FAM221A: variants seen among roughly 807,000 people sequenced by gnomAD.
FAM221A encodes the protein protein FAM221A.
A neutral mutation model predicts 37.6 loss-of-function variants in FAM221A; 43 were observed. The ratio of observed to expected loss-of-function variants is 1.15; its 90% confidence interval spans 0.90 to 1.48. The LOEUF (loss-of-function observed/expected upper bound fraction) is 1.48. Ranked by LOEUF, FAM221A falls within the 40% of genes most tolerant of loss-of-function variation. The pLI is 0.00. For synonymous variants in FAM221A, 135 were observed against 132.9 expected, an observed-to-expected ratio of 1.02 and a Z score of -0.11; for missense variants, 361 against 361.5, an observed-to-expected ratio of 1.00 and a Z score of 0.01.
Position 23,691,587 on chromosome 7 carries a change from A to G in FAM221A, c.628A>G (p.Ser210Gly), listed in dbSNP as rs765792392. 6 of 1,614,010 alleles carry G rather than the reference A, an allele frequency of 3.7e-6. No individual in the cohort carries two copies. Among genetic ancestry groups the G allele is most frequent in the Non-Finnish European group, 4.2e-6 (5 of 1,179,904 alleles). The change falls in exon 4 of 7, where the codon AGT becomes GGT. Residue 210 changes from serine (S) to glycine (G), a missense_variant. Ser to Gly is a moderately conservative substitution (Grantham distance 56). Transcript: ENST00000344962. ...GGAAGGCTACATGCGGTTAGATGAC[A>G]GTGGGATTGGTAAGTGATACTATAT... The part of the protein sequence containing the change: ...LAEGYMRLDD[S>G]GIGVPSVEFL...
rs775545265 is a variant in FAM221A, at chr7:23,691,606, A to G, written c.637+10A>G. On this transcript the variant is annotated intron_variant, in intron 4 of 6. Transcript: ENST00000344962. ...GATGACAGTGGGATTGGTAAGTGATACTATATGAAATGTGAGCCCATTGTA... is the reference window on the plus strand; with the variant it reads ...GATGACAGTGGGATTGGTAAGTGATGCTATATGAAATGTGAGCCCATTGTA... The G allele has an allele frequency of 4.0e-5, 64 of 1,611,108 alleles. No individual in the cohort carries two copies. The Middle Eastern group carries it at 1.3e-3, about 33-fold the overall frequency.
chr7:23,696,428 T>A (rs1785066057), intron 4 of FAM221A, among the ~76,000 whole-genome samples: 1 of 152,058 alleles, frequency 6.6e-6, no homozygotes, highest in South Asian at 2.1e-4. Flanking sequence ...CCTGGTATTG[T>A]GTGTGTGCCT....
chr7:23,696,334 G>T (rs1487595574), intron 4 of FAM221A, among the ~76,000 whole-genome samples: 1 of 152,250 alleles, frequency 6.6e-6, no homozygotes, highest in Non-Finnish European at 1.5e-5. Flanking sequence ...GAGGCAGGCA[G>T]ATCGCTTGAG....
intron 1 of FAM221A, among the ~76,000 whole-genome samples, chr7:23,680,529 G>C (rs1172684781): frequency 1.3e-5 from 2 of 152,184 alleles, no homozygotes; most frequent in Non-Finnish European, 1.5e-5. Context: ...TCCCTTCCAA[G>C]AAGGATGACT....
intron 5 of FAM221A, among the ~76,000 whole-genome samples, chr7:23,699,061 G>A (rs537688383): frequency 6.6e-6 from 1 of 151,758 alleles, no homozygotes; most frequent in East Asian, 1.9e-4. Flanking sequence ...TTCTTTATTA[G>A]ACAGGAGGAA....
intron 4 of FAM221A, among the ~76,000 whole-genome samples, chr7:23,697,123 A>G (rs1785107157): frequency 1.3e-5 from 2 of 152,196 alleles, no homozygotes; most frequent in Non-Finnish European, 1.5e-5. Flanking sequence ...CAAGTTGAGC[A>G]TTTGAGATCA....
At chr7:23,689,947 C>G (rs565268095) in intron 3 of FAM221A, among the ~76,000 whole-genome samples, 1 of 151,926 alleles carries the variant, frequency 6.6e-6, no homozygotes, top group African/African-American at 2.4e-5. Context: ...AACCTCTACC[C>G]CCTTTGCCCT....
chr7:23,692,994 G>A (rs1784839984), intron 4 of FAM221A: 1 of 152,430 alleles, frequency 6.6e-6, no homozygotes, highest in South Asian at 2.1e-4. Context: ...TTAGAAAAAT[G>A]TGAAGGCCTA....
At chr7:23,692,259 T>A (rs976164769) in intron 4 of FAM221A, 1 of 834,438 alleles carries the variant, frequency 1.2e-6, no homozygotes, top group Non-Finnish European at 1.4e-6. Context: ...CACAGGTGTG[T>A]AAGTTTTTTT....
At chr7:23,690,170 C>CATATATATATAT (rs1175330292) in intron 3 of FAM221A, among the ~76,000 whole-genome samples, 55 of 68,582 alleles carry the variant, frequency 8.0e-4, no homozygotes, top group Non-Finnish European at 1.0e-3. Context: ...TGCCTTGGTT[C>CATATATATATAT]ATATATATAT....
At chr7:23,685,262 C>CAA (rs1784300215) in intron 2 of FAM221A, among the ~76,000 whole-genome samples, 1 of 6,476 alleles carries the variant, frequency 1.5e-4, no homozygotes, top group Non-Finnish European at 2.4e-4. Flanking sequence ...CAAAGCAAAA[C>CAA]AAAACAAAAC....
intron 1 of FAM221A, among the ~76,000 whole-genome samples, chr7:23,680,979 A>G (rs1224192954): frequency 6.6e-6 from 1 of 152,060 alleles, no homozygotes; most frequent in African/African-American, 2.4e-5. Context: ...AGGCTCCGCC[A>G]GGGAGGCCGG....
At chr7:23,680,309 C>G (rs1247686307) in intron 1 of FAM221A, 26 bp downstream of exon 1, 1 of 1,513,528 alleles carries the variant, frequency 6.6e-7, no homozygotes, top group East Asian at 2.5e-5. Flanking sequence ...CGGGCCTGCC[C>G]CCCCGCCGCT....
intron 6 of FAM221A, 114 bp downstream of exon 6, chr7:23,700,982 T>TA (rs1785391502): frequency 1.3e-6 from 1 of 747,148 alleles, no homozygotes; most frequent in Non-Finnish European, 2.2e-6. Flanking sequence ...AGTCTTTACT[T>TA]ACAGTTGGTG....
At chr7:23,682,886 A>T (rs962389644) in intron 1 of FAM221A, among the ~76,000 whole-genome samples, 3 of 152,234 alleles carry the variant, frequency 2.0e-5, no homozygotes, top group African/African-American at 4.8e-5. Flanking sequence ...GGTATTCTTG[A>T]TAGCTACAAG....
intron 1 of FAM221A, among the ~76,000 whole-genome samples, chr7:23,682,797 G>C (rs1301288875): frequency 6.6e-6 from 1 of 152,064 alleles, no homozygotes; most frequent in Non-Finnish European, 1.5e-5. Flanking sequence ...CACTGGTCTA[G>C]AACTTAAATA....
chr7:23,695,477 A>G (rs12700460), intron 4 of FAM221A, among the ~76,000 whole-genome samples: 2,896 of 152,092 alleles, frequency 0.019, 46 homozygotes, highest in African/African-American at 0.051. Flanking sequence ...GGTTCAAGTG[A>G]TTCTCCTGCC....
At chr7:23,684,093 G>T (rs1034173337) in intron 1 of FAM221A, among the ~76,000 whole-genome samples, 1 of 152,084 alleles carries the variant, frequency 6.6e-6, no homozygotes, top group Non-Finnish European at 1.5e-5. Context: ...ATGGAGGTTT[G>T]GGGAGTTCCT....
In FAM221A at chr7:23,685,469, G is replaced by A. The variant is rs181176411; in HGVS notation, c.239+797G>A. ...TTGCCAGGGGTCTTTCAGTTTGACT[G>A]GGGAGCAGTCTACCTACATCTCACA... On this transcript the variant is annotated intron_variant, in intron 2 of 6. Coordinates refer to ENST00000344962, the MANE Select transcript of FAM221A (RefSeq NM_199136.5). 8.9e-4 allele frequency among the ~76,000 whole-genome samples: 136 copies of A among 152,248 alleles called. No homozygotes were observed. The Middle Eastern group carries it at 0.01, about 11-fold the overall frequency.
Sources: gnomAD v4.1 joint callset for allele counts (sites outside exome capture counted in the v4.1 genomes callset) on GRCh38, gnomAD v4.1.1 for gene constraint, MANE v1.5 for transcripts, NCBI Gene and HGNC (gene_info 2026-07-23, HGNC 2026-07-21) for gene names.